Variants in PCDHGB4 observed in about 807,000 individuals in gnomAD.
PCDHGB4 encodes the protein protocadherin gamma-B4.
Under a neutral mutation model 60.5 loss-of-function variants are expected in PCDHGB4, and 38 were observed. The ratio of observed to expected loss-of-function variants is 0.63; its 90% CI spans 0.48 to 0.82. The LOEUF is 0.82. PCDHGB4 is among the 40% of genes least tolerant of loss of function. The pLI, the probability that PCDHGB4 is intolerant of heterozygous loss-of-function variation, is 0.00. For missense variants in PCDHGB4, 1,109 were observed against 1,209.6 expected, an observed-to-expected ratio of 0.92 and a Z score of 1.23; for synonymous variants, 456 against 509.7, an observed-to-expected ratio of 0.89 and a Z score of 1.42.
Position 141,489,458 on chromosome 5 carries a change from G to T in PCDHGB4, c.2398-5349G>T, listed in dbSNP as rs143138320. 1 of 1,613,924 alleles carries T rather than the reference G, an allele frequency of 6.2e-7. No homozygotes were observed. Among genetic ancestry groups the T allele is most frequent in the Non-Finnish European group, 8.5e-7 (1 of 1,180,000 alleles). On this transcript the variant is annotated intron_variant, in intron 1 of 3. Coordinates refer to ENST00000519479, the MANE Select transcript of PCDHGB4 (RefSeq NM_003736.4). The surrounding 1 kb of genome is among the most constrained non-coding windows in gnomAD (Gnocchi z 4.5). ...CAATTGGGCTCTGAGGAGAATGGGC[G>T]CTATTTTTCCCTGAGCTTGATGAGT...
intron 1 of PCDHGB4, chr5:141,419,835 C>T: frequency 1.2e-6 from 2 of 1,614,084 alleles, no homozygotes; most frequent in African/African-American, 1.3e-5. Flanking sequence ...GCCACTGCCA[C>T]GCTGCACCTG....
chr5:141,509,645 G>C (rs138497208), intron 3 of PCDHGB4, among the ~76,000 whole-genome samples: 8 of 152,338 alleles, frequency 5.3e-5, no homozygotes, highest in African/African-American at 1.9e-4. Context: ...GCCAGGGCCA[G>C]AGTGTGGACT....
chr5:141,510,069 CCAGCAGAGTGCCTGG>C (rs994886462), intron 3 of PCDHGB4, among the ~76,000 whole-genome samples: 12 of 152,260 alleles, frequency 7.9e-5, no homozygotes, highest in Admixed American at 7.8e-4. Context: ...TGTGAAGCAT[CCAGCAGAGTGCCTGG>C]CACACAGTAG....
At chr5:141,430,986 C>T (rs549700048) in intron 1 of PCDHGB4, 3 of 1,613,762 alleles carry the variant, frequency 1.9e-6, no homozygotes, top group East Asian at 2.2e-5. Flanking sequence ...CAGCTTTTCG[C>T]CCTGAATCCG....
intron 1 of PCDHGB4, among the ~76,000 whole-genome samples, chr5:141,473,191 G>A (rs28479996): frequency 0.019 from 2,957 of 152,242 alleles, 87 homozygotes; most frequent in African/African-American, 0.062. Context: ...AGGAGTAAAT[G>A]TATCTTCTAA....
chr5:141,460,092 T>C (rs186695697), intron 1 of PCDHGB4, among the ~76,000 whole-genome samples: 37 of 152,056 alleles, frequency 2.4e-4, no homozygotes, highest in Admixed American at 9.8e-4. Context: ...ATAATAATTA[T>C]ACATGTAATT....
chr5:141,415,177 G>C, intron 1 of PCDHGB4: 3 of 1,613,926 alleles, frequency 1.9e-6, no homozygotes, highest in Non-Finnish European at 2.5e-6. Context: ...CACCGTGGCC[G>C]TGGCCGACAG....
chr5:141,423,626 T>C (rs745796529), intron 1 of PCDHGB4: 1 of 1,606,498 alleles, frequency 6.2e-7, no homozygotes, highest in South Asian at 1.1e-5. Context: ...GACTCAGCTA[T>C]CATTTTAGGC....
Position 141,489,358 on chromosome 5 carries a change from G to C in PCDHGB4, c.2398-5449G>C. 1 of 1,613,144 alleles carries C rather than the reference G, an allele frequency of 6.2e-7. No homozygotes were observed. The highest frequency in any genetic ancestry group is 1.7e-4 in the Middle Eastern group (1 of 6,052). On this transcript the variant is annotated intron_variant, in intron 1 of 3. Coordinates refer to ENST00000519479, the MANE Select transcript of PCDHGB4 (RefSeq NM_003736.4). The surrounding 1 kb of genome is among the most constrained non-coding windows in gnomAD (Gnocchi z 4.5). ...TCGTTACTCAGTGGTGGAGGAGTCT[G>C]AGCCGGGGACGCTGGTGGGGAATGT...
intron 1 of PCDHGB4, chr5:141,422,667 G>A (rs1283968031): frequency 1.9e-6 from 3 of 1,607,536 alleles, no homozygotes; most frequent in South Asian, 1.1e-5. Context: ...CCCTCGACCC[G>A]GACAGCAAAC....
At chr5:141,418,563 C>T in intron 1 of PCDHGB4, 2 of 1,613,998 alleles carry the variant, frequency 1.2e-6, no homozygotes, top group Non-Finnish European at 1.7e-6. Context: ...GTAATAGATG[C>T]CAATGACAAC....
In PCDHGB4 at chr5:141,388,469, A is replaced by G; in HGVS notation, c.585A>G (p.Val195=). 11 of 1,613,858 alleles carry G rather than the reference A, an allele frequency of 6.8e-6. No individual in the cohort carries two copies. The highest frequency in any genetic ancestry group is 8.5e-6 in the Non-Finnish European group (10 of 1,179,888). ...KSDGSKYPEM[V]LKTPLDREKQ... is the part of the protein sequence containing the mutation. ...ATGGCAGTAAATACCCTGAGATGGTATTGAAGACACCTTTGGACAGAGAAA... is the reference window on the plus strand; with the variant it reads ...ATGGCAGTAAATACCCTGAGATGGTGTTGAAGACACCTTTGGACAGAGAAA... Residue 195 remains valine (V), a synonymous_variant, in exon 1 of 4, where the codon GTA becomes GTG. Transcript: ENST00000519479.
At chr5:141,439,432 A>C (rs537630916) in intron 1 of PCDHGB4, among the ~76,000 whole-genome samples, 1 of 152,326 alleles carries the variant, frequency 6.6e-6, no homozygotes, top group African/African-American at 2.4e-5. Flanking sequence ...AATTCCCAGG[A>C]ATATTTTATT....
At position 141,394,998 on chromosome 5, in the gene PCDHGB4, G is replaced by T. The variant is rs774774010; in HGVS notation, c.2397+4717G>T. On this transcript the variant is annotated intron_variant, in intron 1 of 3. Transcript: ENST00000519479. ...CAAGTCACGCCTGCTCCAGGATTCC[G>T]GTGGCAGATTGGTAGGCGTGCCTGC... The T allele has an allele frequency of 2.7e-5, 44 of 1,613,892 alleles. No homozygotes were observed. Among genetic ancestry groups the T allele is most frequent in the Non-Finnish European group, 3.1e-5 (36 of 1,179,930 alleles).
At chr5:141,398,529 G>A (rs375949491) in intron 1 of PCDHGB4, 2 of 1,613,544 alleles carry the variant, frequency 1.2e-6, no homozygotes, top group South Asian at 1.1e-5. Flanking sequence ...CAAAATTCAC[G>A]CAAAATTCCT....
In PCDHGB4 at chr5:141,477,602, C is replaced by G. The variant is rs772296229; in HGVS notation, c.2398-17205C>G. ...GCAGAATGCTCGGCTTTCTTTCTTT[C>G]TCTTGGAGCAAGGAGCTGAAACCGG... On this transcript the variant is annotated intron_variant, in intron 1 of 3. Coordinates refer to ENST00000519479, the MANE Select transcript of PCDHGB4 (RefSeq NM_003736.4). This position sits in a 1 kb window ranked among gnomAD's most constrained non-coding sequence, Gnocchi z 4.9. 6.2e-7 allele frequency: 1 copy of G among 1,614,098 alleles called. No homozygotes were observed. Among genetic ancestry groups the G allele is most frequent in the East Asian group, 2.2e-5 (1 of 44,898 alleles).
chr5:141,437,978 C>T (rs1014157103), intron 1 of PCDHGB4, among the ~76,000 whole-genome samples: 2 of 152,212 alleles, frequency 1.3e-5, no homozygotes, highest in East Asian at 1.9e-4. Context: ...TCTTGGGATG[C>T]ACCCACCCCA....
intron 1 of PCDHGB4, chr5:141,409,110 A>T: frequency 6.2e-7 from 1 of 1,614,060 alleles, no homozygotes; most frequent in Non-Finnish European, 8.5e-7. Context: ...ATGATTAAGA[A>T]TAACCAGTCA....
At position 141,487,570 on chromosome 5, in the gene PCDHGB4, T is replaced by A; in HGVS notation, c.2398-7237T>A. 6.2e-7 allele frequency: 1 copy of A among 1,614,178 alleles called. No homozygotes were observed. On this transcript the variant is annotated intron_variant, in intron 1 of 3. Transcript: ENST00000519479. The surrounding 1 kb of genome is among the most constrained non-coding windows in gnomAD (Gnocchi z 5.0). ...CCAGTGCACCTATGGCAGGGGAGCCTGTTCGCCCAAGCTGCCCACCCTCTG... is the reference window on the plus strand; with the variant it reads ...CCAGTGCACCTATGGCAGGGGAGCCAGTTCGCCCAAGCTGCCCACCCTCTG...
Sources: allele counts gnomAD v4.1 joint callset (sites outside exome capture counted in the v4.1 genomes callset), GRCh38; gene constraint gnomAD v4.1.1; non-coding constraint Gnocchi (gnomAD v3.1); transcripts MANE v1.5; gene names NCBI Gene and HGNC (gene_info 2026-07-23, HGNC 2026-07-21).